The following ACSS3 variants were observed in gnomAD, a reference collection of about 807,000 sequenced individuals.
ACSS3 encodes acyl-CoA synthetase short chain family member 3.
A neutral mutation model predicts 84.2 loss-of-function variants in ACSS3; 64 were observed. That is an observed-to-expected ratio of 0.76 (90% CI 0.62 to 0.94). The LOEUF (loss-of-function observed/expected upper bound fraction) is 0.94. Among genes scored for constraint, ACSS3 ranks in the 40% least tolerant of loss-of-function variants. The pLI is 0.00. For synonymous variants in ACSS3, 317 were observed against 310.1 expected (o/e 1.02, Z -0.23); for missense variants, 815 against 867.6 (o/e 0.94, Z 0.76).
Position 81,131,779 on chromosome 12 carries a change from T to C in ACSS3, c.457-3037T>C, listed in dbSNP as rs574893839. ...GCTGTGGGTTTGTCATAAATAGCTC[T>C]TATTATTTTGAGATACATCCCAACA... is the stretch of plus-strand genomic sequence containing the variant. On this transcript the variant is annotated intron_variant, in intron 2 of 15. Transcript: ENST00000548058. Among the ~76,000 whole-genome samples, 5 of 152,302 alleles carry C rather than the reference T, an allele frequency of 3.3e-5. No individual in the cohort carries two copies. The East Asian group carries it at 9.7e-4, about 29-fold the overall frequency.
intron 9 of ACSS3, among the ~76,000 whole-genome samples, chr12:81,213,586 C>CTT (rs1341005524): frequency 1.4e-4 from 1 of 6,970 alleles, no homozygotes; most frequent in Admixed American, 1.1e-3. Flanking sequence ...CCTCTCCTCC[C>CTT]CTCCCCTCCC....
chr12:81,101,551 A>G (rs1882513496), intron 1 of ACSS3, among the ~76,000 whole-genome samples: 1 of 152,132 alleles, frequency 6.6e-6, no homozygotes, highest in African/African-American at 2.4e-5. Context: ...GCTGTGTAAA[A>G]AGCTAATTTT....
chr12:81,231,935 G>A (rs1339518978), intron 12 of ACSS3, among the ~76,000 whole-genome samples: 2 of 148,932 alleles, frequency 1.3e-5, no homozygotes, highest in African/African-American at 2.5e-5. Context: ...AATTCTGAAT[G>A]AACAGAATTT....
chr12:81,089,907 G>A (rs1237857985), intron 1 of ACSS3, among the ~76,000 whole-genome samples: 3 of 152,058 alleles, frequency 2.0e-5, no homozygotes, highest in East Asian at 3.9e-4. Flanking sequence ...TGGCTTGTCC[G>A]AAGTTATACA....
intron 2 of ACSS3, among the ~76,000 whole-genome samples, chr12:81,129,195 G>A (rs1285569143): frequency 6.6e-6 from 1 of 152,150 alleles, no homozygotes; most frequent in African/African-American, 2.4e-5. Context: ...TGACAACTCA[G>A]ATGCCTACAG....
chr12:81,179,835 A>G (rs7486436), intron 8 of ACSS3, among the ~76,000 whole-genome samples: 1 of 151,670 alleles, frequency 6.6e-6, no homozygotes, highest in African/African-American at 2.4e-5. Context: ...CTCACATTGT[A>G]TAAAGAAATA....
chr12:81,111,085 G>A (rs1883541338), intron 2 of ACSS3, among the ~76,000 whole-genome samples: 1 of 152,146 alleles, frequency 6.6e-6, no homozygotes, highest in African/African-American at 2.4e-5. Flanking sequence ...CTGGGTATCA[G>A]CCTGGTTGTA....
chr12:81,230,526 T>C (rs926038707), intron 11 of ACSS3, among the ~76,000 whole-genome samples: 2 of 151,752 alleles, frequency 1.3e-5, no homozygotes, highest in Non-Finnish European at 2.9e-5. Flanking sequence ...GTCTGGATGA[T>C]TATGAGAAGA....
At position 81,143,188 on chromosome 12, in the gene ACSS3, G is replaced by A. The variant is rs1886176900; in HGVS notation, c.862G>A (p.Val288Ile). Reference protein sequence around the residue: ...AKAQSHDCVPVLSEHPLYILY... With the variant: ...AKAQSHDCVPILSEHPLYILY... ...AGCCCAGTCACATGACTGTGTTCCT[G>A]TTCTTTCAGAACACCCACTGTATAT... is the stretch of plus-strand genomic sequence containing the variant. The change falls in exon 5 of 16, where the codon GTT becomes ATT. Residue 288 changes from valine to isoleucine, a missense_variant. Val to Ile is a conservative substitution (Grantham distance 29, BLOSUM62 3). Transcript: ENST00000548058. 1 of 1,613,426 alleles carries A rather than the reference G, an allele frequency of 6.2e-7. No homozygotes were observed. The highest frequency in any genetic ancestry group is 8.5e-7 in the Non-Finnish European group (1 of 1,179,588).
chr12:81,082,990 G>A (rs943274704), intron 1 of ACSS3, among the ~76,000 whole-genome samples: 16 of 152,132 alleles, frequency 1.1e-4, no homozygotes, highest in Non-Finnish European at 2.4e-4. Flanking sequence ...GAGGGGAAGC[G>A]GTAGCATTTA....
intron 1 of ACSS3, among the ~76,000 whole-genome samples, chr12:81,102,359 C>T (rs1188724726): frequency 6.6e-6 from 1 of 152,122 alleles, no homozygotes; most frequent in Non-Finnish European, 1.5e-5. Context: ...TATGGAGAAA[C>T]TCCTCCTATC....
In ACSS3 at chr12:81,144,903, CTT is replaced by C. The variant is rs1292727483; in HGVS notation, c.921+1672_921+1673del. On this transcript the variant is annotated intron_variant, in intron 5 of 15. Coordinates refer to ENST00000548058, the MANE Select transcript of ACSS3 (RefSeq NM_024560.4). Reference sequence around the variant, plus strand: ...TTCCAGGTTTTCTTTTTTTTCTTTTCTTTTTTTTTTTTTTTTTGAGACAGTCT... The same window carrying C: ...TTCCAGGTTTTCTTTTTTTTCTTTTCTTTTTTTTTTTTTTTGAGACAGTCT... 7.7e-5 allele frequency among the ~76,000 whole-genome samples: 9 copies of C among 116,946 alleles called. No homozygotes were observed. The East Asian group carries it at 1.7e-3, about 22-fold the overall frequency. 76.7% of individuals were successfully genotyped at this position (116,946 alleles called of 152,430 possible).
chr12:81,165,835 T>C (rs1887376472), intron 7 of ACSS3, among the ~76,000 whole-genome samples: 1 of 152,226 alleles, frequency 6.6e-6, no homozygotes, highest in Non-Finnish European at 1.5e-5. Flanking sequence ...TTTTAAGGGA[T>C]GTTTGCAACT....
At chr12:81,104,670 C>T (rs1882822636) in intron 1 of ACSS3, 1 of 151,778 alleles carries the variant, frequency 6.6e-6, no homozygotes, top group South Asian at 2.1e-4. Flanking sequence ...TTGTAAAAAC[C>T]TCTTGGGAGC....
chr12:81,200,329 C>T (rs1053446437), intron 9 of ACSS3, among the ~76,000 whole-genome samples: 2 of 152,126 alleles, frequency 1.3e-5, no homozygotes, highest in Non-Finnish European at 2.9e-5. Context: ...TTATTTTAGT[C>T]CCACTTAGTT....
At chr12:81,106,920 G>T (rs1234829186) in intron 1 of ACSS3, among the ~76,000 whole-genome samples, 1 of 151,636 alleles carries the variant, frequency 6.6e-6, no homozygotes, top group African/African-American at 2.4e-5. Flanking sequence ...TCTAATTCAG[G>T]CCACTGGATG....
chr12:81,129,283 A>G (rs746237116), intron 2 of ACSS3, among the ~76,000 whole-genome samples: 3 of 152,176 alleles, frequency 2.0e-5, no homozygotes, highest in Admixed American at 2.0e-4. Flanking sequence ...TGGTGTAAGC[A>G]TATAACATAA....
chr12:81,138,125 G>A (rs1015007373), intron 3 of ACSS3, among the ~76,000 whole-genome samples: 1 of 151,980 alleles, frequency 6.6e-6, no homozygotes, highest in Non-Finnish European at 1.5e-5. Flanking sequence ...CAGAATTCAG[G>A]AATACATGCA....
In ACSS3 at chr12:81,149,993, G is replaced by A. The variant is rs549610096; in HGVS notation, c.922-1851G>A. ...AGACAAAGTGACATTGGTAAATGTC[G>A]TTTGAAGAAGTACTCATCTGAGAGG... On this transcript the variant is annotated intron_variant, in intron 5 of 15. Coordinates refer to ENST00000548058, the MANE Select transcript of ACSS3 (RefSeq NM_024560.4). Among the ~76,000 whole-genome samples the A allele has an allele frequency of 1.3e-4, 20 of 152,162 alleles. No homozygotes were observed. In the South Asian group the frequency reaches 2.3e-3, roughly 17 times the overall value.
Sources: gnomAD v4.1 joint callset for allele counts (sites outside exome capture counted in the v4.1 genomes callset) on GRCh38, gnomAD v4.1.1 for gene constraint, MANE v1.5 for transcripts, NCBI Gene and HGNC (gene_info 2026-07-23, HGNC 2026-07-21) for gene names.